The following EVI5 variants were observed in gnomAD, a reference collection of about 807,000 sequenced individuals.
EVI5 encodes the protein ecotropic viral integration site 5, also known as ecotropic viral integration site 5 protein homolog.
Under a neutral mutation model 112.0 loss-of-function variants are expected in EVI5, and 73 were observed. The ratio of observed to expected loss-of-function variants is 0.65; its 90% CI spans 0.54 to 0.79. The LOEUF is 0.79. EVI5 is among the 30% of genes least tolerant of loss of function. The pLI, the probability that EVI5 is intolerant of heterozygous loss-of-function variation, is 0.00. For synonymous variants in EVI5, 305 were observed against 319.9 expected, an observed-to-expected ratio of 0.95 and a Z score of 0.50; for missense variants, 900 against 968.8, an observed-to-expected ratio of 0.93 and a Z score of 0.94.
At position 92,673,638 on chromosome 1, in the gene EVI5, G is replaced by A. The variant is rs550052074; in HGVS notation, c.1158+3520C>T. ...TGAGCCACCGCGCCCGGCCAAACTAGAATTTTAATATTTTTCACCTCCTCC... is the reference window on the plus strand; with the variant it reads ...TGAGCCACCGCGCCCGGCCAAACTAAAATTTTAATATTTTTCACCTCCTCC... On this transcript the variant is annotated intron_variant, in intron 10 of 19. Transcript: ENST00000684568. Among the ~76,000 whole-genome samples, 4 of 152,086 alleles carry A rather than the reference G, an allele frequency of 2.6e-5. No individual in the cohort carries two copies. The East Asian group carries it at 7.7e-4, about 29-fold the overall frequency.
At chr1:92,706,441 C>A (rs1011068763) in intron 2 of EVI5, among the ~76,000 whole-genome samples, 1 of 152,068 alleles carries the variant, frequency 6.6e-6, no homozygotes, top group Non-Finnish European at 1.5e-5. Context: ...TAGTTATTTG[C>A]CATACTTATT....
At chr1:92,784,245 C>T (rs1275783798) in intron 1 of EVI5, 4 of 950,766 alleles carry the variant, frequency 4.2e-6, no homozygotes, top group South Asian at 9.7e-5. Flanking sequence ...ACACCACAAT[C>T]CAACCTACCG....
intron 6 of EVI5, 51 bp from the exon 7 acceptor site, chr1:92,695,504 AATTAG>A (rs1558091844): frequency 8.1e-7 from 1 of 1,234,174 alleles, no homozygotes; most frequent in South Asian, 1.5e-5. Flanking sequence ...GAGTATTTTA[AATTAG>A]ATTATATTTA....
intron 19 of EVI5, among the ~76,000 whole-genome samples, chr1:92,515,285 A>C (rs779300312): frequency 3.3e-5 from 5 of 152,180 alleles, no homozygotes; most frequent in Non-Finnish European, 7.3e-5. Flanking sequence ...CCACATTTAA[A>C]TCTAAACCAC....
intron 2 of EVI5, among the ~76,000 whole-genome samples, chr1:92,727,047 T>C (rs1675679736): frequency 6.6e-6 from 1 of 152,186 alleles, no homozygotes; most frequent in South Asian, 2.1e-4. Flanking sequence ...ACCTTAAATG[T>C]AAATAACCTA....
At chr1:92,746,056 T>C (rs1322008061) in intron 1 of EVI5, among the ~76,000 whole-genome samples, 1 of 152,186 alleles carries the variant, frequency 6.6e-6, no homozygotes, top group Admixed American at 6.5e-5. Flanking sequence ...TGAGTCTCAA[T>C]CAATCACAGC....
intron 1 of EVI5, among the ~76,000 whole-genome samples, chr1:92,759,209 A>G (rs540795768): frequency 6.6e-6 from 1 of 152,312 alleles, no homozygotes; most frequent in South Asian, 2.1e-4. Context: ...AGCAACAGTG[A>G]GATCCCATCT....
At position 92,550,781 on chromosome 1, in the gene EVI5, AATATATATATATAT is replaced by A. The variant is rs1330757944; in HGVS notation, c.2166+12847_2166+12860del. The stretch of plus-strand genomic sequence containing the variant: ...AAAAAAAAAAAAAAAAAAAAAAAAA[AATATATATATATAT>A]ATATATATATATATATATAACAAAA... On this transcript the variant is annotated intron_variant, in intron 19 of 19. Transcript: ENST00000684568. Among the ~76,000 whole-genome samples the A allele has an allele frequency of 3.3e-3, 67 of 20,324 alleles. 2 individuals carry two copies. Among genetic ancestry groups the A allele is most frequent in the Middle Eastern group, 0.083 (2 of 24 alleles). The allele number at this position is 20,324 out of a possible 152,430, so 13.3% of individuals were successfully genotyped here.
chr1:92,603,480 G>T (rs1649632530), intron 18 of EVI5, among the ~76,000 whole-genome samples: 1 of 151,874 alleles, frequency 6.6e-6, no homozygotes, highest in Admixed American at 6.6e-5. Context: ...AAAAAATGTG[G>T]TATATACATA....
chr1:92,767,712 G>C (rs192962864), intron 1 of EVI5, among the ~76,000 whole-genome samples: 308 of 152,308 alleles, frequency 2.0e-3, no homozygotes, highest in African/African-American at 7.1e-3. Flanking sequence ...TTGAATCTTG[G>C]TTTCCTTGAA....
intron 1 of EVI5, among the ~76,000 whole-genome samples, chr1:92,783,371 CA>C (rs11384853): frequency 6.6e-5 from 9 of 136,338 alleles, no homozygotes; most frequent in African/African-American, 5.4e-5. Context: ...ACTAAAAATA[CA>C]AAAAAAAAAA....
intron 1 of EVI5, chr1:92,756,712 A>G (rs1198983019): frequency 1.6e-5 from 8 of 486,734 alleles, no homozygotes; most frequent in Non-Finnish European, 3.3e-5. Flanking sequence ...CTGTATCGCC[A>G]TCCTACATCA....
chr1:92,738,167 A>T (rs1677757673), intron 1 of EVI5, among the ~76,000 whole-genome samples: 3 of 152,186 alleles, frequency 2.0e-5, no homozygotes, highest in Admixed American at 2.0e-4. Flanking sequence ...ATAATAATTT[A>T]GCCAAAACTT....
intron 9 of EVI5, among the ~76,000 whole-genome samples, chr1:92,690,855 A>C (rs938337401): frequency 6.6e-6 from 1 of 152,230 alleles, no homozygotes; most frequent in African/African-American, 2.4e-5. Context: ...GACATTATGC[A>C]TCTTTTAAGA....
At chr1:92,705,438 C>A (rs1056508447) in intron 2 of EVI5, among the ~76,000 whole-genome samples, 1 of 152,172 alleles carries the variant, frequency 6.6e-6, no homozygotes, top group African/African-American at 2.4e-5. Flanking sequence ...TGCGTGGGAG[C>A]TTCTTCCTTC....
At chr1:92,720,503 T>C (rs1200465790) in intron 2 of EVI5, among the ~76,000 whole-genome samples, 2 of 152,274 alleles carry the variant, frequency 1.3e-5, no homozygotes, top group South Asian at 2.1e-4. Context: ...ATCCCTTCCT[T>C]ACACCTTATA....
intron 10 of EVI5, 30 bp downstream of exon 10, chr1:92,677,128 C>A: frequency 7.2e-7 from 1 of 1,392,466 alleles, no homozygotes. Flanking sequence ...TTCAATCAAT[C>A]AGTACTTTAA....
chr1:92,656,161 T>C (rs1417669867), intron 13 of EVI5, among the ~76,000 whole-genome samples: 1 of 152,130 alleles, frequency 6.6e-6, no homozygotes, highest in Non-Finnish European at 1.5e-5. Context: ...GAAACAAGTC[T>C]CAATAAATTT....
In EVI5 at chr1:92,625,945, A is replaced by T; in HGVS notation, c.1528-11T>A. 6.4e-7 allele frequency: 1 copy of T among 1,568,058 alleles called. No individual in the cohort carries two copies. The highest frequency in any genetic ancestry group is 8.7e-7 in the Non-Finnish European group (1 of 1,144,474). ...AAGGGAGTTATTCCTCTAAAGAAGAAGAAAATTTAATTTGGGATTTTTAAA... is the reference window on the plus strand; with the variant it reads ...AAGGGAGTTATTCCTCTAAAGAAGATGAAAATTTAATTTGGGATTTTTAAA... On this transcript the variant is annotated splice_polypyrimidine_tract_variant and intron_variant, in intron 14 of 19. Coordinates refer to ENST00000684568, the MANE Select transcript of EVI5 (RefSeq NM_001350197.2).
Sources: gnomAD v4.1 joint callset for allele counts (sites outside exome capture counted in the v4.1 genomes callset) on GRCh38, gnomAD v4.1.1 for gene constraint, MANE v1.5 for transcripts, NCBI Gene and HGNC (gene_info 2026-07-23, HGNC 2026-07-21) for gene names.